The following BTBD9 variants were observed in gnomAD, a reference collection of about 807,000 sequenced individuals.
The protein encoded by BTBD9 is BTB domain containing 9, also known as BTB/POZ domain-containing protein 9.
A neutral mutation model predicts 64.3 loss-of-function variants in BTBD9; 49 were observed. The observed-to-expected ratio is 0.76, with a 90% confidence interval of 0.61 to 0.97. The LOEUF is 0.97. BTBD9 is among the 50% of genes least tolerant of loss of function. The probability of loss-of-function intolerance (pLI) is 0.00; values close to 1 mark genes in which losing one functional copy is unlikely to be tolerated. For missense variants in BTBD9, 598 were observed against 762.1 expected (o/e 0.78, Z 2.53); for synonymous variants, 260 against 274.7 (o/e 0.95, Z 0.53).
intron 7 of BTBD9, among the ~76,000 whole-genome samples, chr6:38,337,352 C>G (rs1424739683): frequency 6.6e-6 from 1 of 152,232 alleles, no homozygotes; most frequent in Admixed American, 6.5e-5. Context: ...TCTAAACATA[C>G]TGTTACAATC....
intron 6 of BTBD9, among the ~76,000 whole-genome samples, chr6:38,446,061 C>T (rs147849849): frequency 2.6e-5 from 4 of 152,298 alleles, no homozygotes; most frequent in African/African-American, 9.6e-5. Flanking sequence ...AAAGTTCTCA[C>T]TGAACCCAAG....
intron 6 of BTBD9, among the ~76,000 whole-genome samples, chr6:38,415,308 T>C (rs543897931): frequency 6.6e-6 from 1 of 152,228 alleles, no homozygotes; most frequent in South Asian, 2.1e-4. Context: ...GGGAACAATG[T>C]AATCACAAAG....
In BTBD9 at chr6:38,499,746, C is replaced by T. The variant is rs142343406; in HGVS notation, c.1154+77854G>A. 4.6e-5 allele frequency among the ~76,000 whole-genome samples: 7 copies of T among 152,308 alleles called. No homozygotes were observed. In the East Asian group the frequency reaches 1.3e-3, roughly 29 times the overall value. On this transcript the variant is annotated intron_variant, in intron 6 of 10. Transcript: ENST00000481247. ...ACAAAACACCATAGATTATTTCCCT[C>T]GTTTGCTCACAGTATTCTGATAGCA...
At chr6:38,497,499 G>T (rs982617449) in intron 6 of BTBD9, among the ~76,000 whole-genome samples, 8 of 152,098 alleles carry the variant, frequency 5.3e-5, no homozygotes, top group Non-Finnish European at 4.4e-5. Context: ...AAATGATCAG[G>T]TTTCCCGGAC....
At chr6:38,365,079 G>A (rs533365758) in intron 6 of BTBD9, among the ~76,000 whole-genome samples, 1 of 152,080 alleles carries the variant, frequency 6.6e-6, no homozygotes, top group Admixed American at 6.5e-5. Flanking sequence ...ATGTTGAATG[G>A]TTTGTAATAA....
intron 7 of BTBD9, among the ~76,000 whole-genome samples, chr6:38,310,841 C>T (rs944403429): frequency 5.3e-5 from 8 of 151,782 alleles, no homozygotes; most frequent in Non-Finnish European, 1.2e-4. Context: ...GACGAAGTCT[C>T]GCTCTGTCAC....
At chr6:38,287,109 T>TACACACACAC (rs70981534) in intron 8 of BTBD9, among the ~76,000 whole-genome samples, 3 of 87,000 alleles carry the variant, frequency 3.4e-5, no homozygotes, top group African/African-American at 9.7e-5. Context: ...AAAAAAAATA[T>TACACACACAC]ACACACACAC....
At chr6:38,344,891 C>T (rs1764221807) in intron 7 of BTBD9, 93 bp downstream of exon 7, 2 of 816,992 alleles carry the variant, frequency 2.4e-6, no homozygotes, top group Non-Finnish European at 3.8e-6. Context: ...AACCAGAGTC[C>T]TTAGAACTGA....
At chr6:38,569,684 T>TAAACA (rs1328020733) in intron 6 of BTBD9, among the ~76,000 whole-genome samples, 1 of 152,178 alleles carries the variant, frequency 6.6e-6, no homozygotes, top group Non-Finnish European at 1.5e-5. Flanking sequence ...TATTATCCTC[T>TAAACA]AAACAAAACA....
chr6:38,391,678 T>G (rs766835818), intron 6 of BTBD9, among the ~76,000 whole-genome samples: 1 of 151,798 alleles, frequency 6.6e-6, no homozygotes, highest in East Asian at 1.9e-4. Context: ...ATCCTTACCC[T>G]GCTGAATTTA....
At chr6:38,176,589 C>T (rs946057601) in intron 10 of BTBD9, among the ~76,000 whole-genome samples, 5 of 152,132 alleles carry the variant, frequency 3.3e-5, no homozygotes, top group African/African-American at 9.7e-5. Context: ...TCCTTCCTTC[C>T]TTTTTTATAA....
intron 2 of BTBD9, chr6:38,595,899 T>C (rs896074774): frequency 5.6e-5 from 55 of 985,234 alleles, no homozygotes; most frequent in Non-Finnish European, 6.1e-5. Context: ...TCAAGACTTA[T>C]CCCCAATCCT....
chr6:38,397,629 G>A (rs959591047), intron 6 of BTBD9, among the ~76,000 whole-genome samples: 5 of 152,230 alleles, frequency 3.3e-5, no homozygotes, highest in Admixed American at 2.0e-4. Flanking sequence ...GAACTAGGCA[G>A]GAGATGAAGA....
chr6:38,208,615 T>C (rs1436167260), intron 9 of BTBD9, among the ~76,000 whole-genome samples: 1 of 152,192 alleles, frequency 6.6e-6, no homozygotes, highest in Non-Finnish European at 1.5e-5. Flanking sequence ...TCTGAAGAGC[T>C]TCCTTGGCCC....
chr6:38,271,988 A>AAGC (rs1194796709), intron 8 of BTBD9, among the ~76,000 whole-genome samples: 2 of 151,314 alleles, frequency 1.3e-5, no homozygotes, highest in Non-Finnish European at 1.5e-5. Context: ...GGAGGGGGGG[A>AAGC]AGCAGCAGCA....
At chr6:38,328,060 T>C (rs986579430) in intron 7 of BTBD9, among the ~76,000 whole-genome samples, 9 of 152,220 alleles carry the variant, frequency 5.9e-5, no homozygotes, top group African/African-American at 2.2e-4. Context: ...TAAAATTAAC[T>C]TTTTTCTGAT....
At chr6:38,593,222 G>C (rs1484818596) in intron 3 of BTBD9, among the ~76,000 whole-genome samples, 2 of 152,150 alleles carry the variant, frequency 1.3e-5, no homozygotes, top group African/African-American at 4.8e-5. Flanking sequence ...TTCAAATTTT[G>C]TTCCACAGTA....
rs116624349 is a variant in BTBD9 at position 38,490,685 on chromosome 6, T to G, written c.1154+86915A>C. On this transcript the variant is annotated intron_variant, in intron 6 of 10. Transcript: ENST00000481247. ...AAAGAAGGGAAGTCAGTGCTAGATG[T>G]TCCAGGCTAGTCAGAATCCACAACC... Among the ~76,000 whole-genome samples the G allele has an allele frequency of 7.0e-3, 1,062 of 152,268 alleles. 7 individuals are homozygous for G. The highest frequency in any genetic ancestry group is 0.024 in the African/African-American group (1,004 of 41,536).
chr6:38,552,748 G>GAAAAAGAAAAAAAAA (rs1774864754), intron 6 of BTBD9, among the ~76,000 whole-genome samples: 5 of 115,360 alleles, frequency 4.3e-5, no homozygotes, highest in Non-Finnish European at 9.5e-5. Flanking sequence ...GAAAAGAAAA[G>GAAAAAGAAAAAAAAA]AAAAAGAAAA....
Sources: gnomAD v4.1 joint callset for allele counts (sites outside exome capture counted in the v4.1 genomes callset) on GRCh38, gnomAD v4.1.1 for gene constraint, MANE v1.5 for transcripts, NCBI Gene and HGNC (gene_info 2026-07-23, HGNC 2026-07-21) for gene names.